Variants in GCC2 observed in about 807,000 individuals in gnomAD.
GCC2 encodes GRIP and coiled-coil domain-containing protein 2.
In GCC2, 120 loss-of-function variants were observed where a neutral mutation model predicts 210.6. That is an observed-to-expected ratio of 0.57 (90% CI 0.49 to 0.66). The LOEUF (loss-of-function observed/expected upper bound fraction) is 0.66, where lower values mean the gene tolerates loss of function less well. GCC2 is among the 30% of genes least tolerant of loss of function. The pLI, the probability that GCC2 is intolerant of heterozygous loss-of-function variation, is 0.00. For missense variants in GCC2, 1,868 were observed against 1,871.9 expected, an observed-to-expected ratio of 1.00 and a Z score of 0.04; for synonymous variants, 703 against 652.7, an observed-to-expected ratio of 1.08 and a Z score of -1.17.
At chr2:108,486,376 C>G (rs775082891) in intron 15 of GCC2, 135 bp from the exon 16 acceptor site, 49 of 807,860 alleles carry the variant, frequency 6.1e-5, no homozygotes, top group Non-Finnish European at 1.0e-4. Flanking sequence ...AATAATAATA[C>G]ATAAAAATAT....
intron 22 of GCC2, among the ~76,000 whole-genome samples, chr2:108,501,583 A>G (rs1226062180): frequency 6.6e-6 from 1 of 152,016 alleles, no homozygotes; most frequent in African/African-American, 2.4e-5. Context: ...GGTGTTCTTT[A>G]ACATGTTCCC....
intron 7 of GCC2, among the ~76,000 whole-genome samples, chr2:108,473,790 A>C (rs906144622): frequency 6.6e-6 from 1 of 152,094 alleles, no homozygotes; most frequent in Non-Finnish European, 1.5e-5. Flanking sequence ...TTAGAATGCT[A>C]TGCAAATCTG....
intron 4 of GCC2, among the ~76,000 whole-genome samples, chr2:108,461,417 ATATC>A (rs1343245816): frequency 6.6e-6 from 1 of 152,108 alleles, no homozygotes; most frequent in Non-Finnish European, 1.5e-5. Context: ...TGGGCCTCCT[ATATC>A]TGGATATCTA....
At chr2:108,486,465 G>C in intron 15 of GCC2, 46 bp from the exon 16 acceptor site, 1 of 1,602,374 alleles carries the variant, frequency 6.2e-7, no homozygotes, top group Non-Finnish European at 8.6e-7. Flanking sequence ...TCTTTAACTA[G>C]TGAAGATAGG....
Position 108,509,230 on chromosome 2 carries a change from T to C in GCC2, c.*1600T>C, listed in dbSNP as rs3889416. 6.3e-4 allele frequency: 97 copies of C among 152,794 alleles called. 1 individual carries two copies. Among genetic ancestry groups the C allele is most frequent in the African/African-American group, 2.3e-3 (97 of 41,584 alleles). The allele number at this position is 152,794 out of a possible 1,614,324, so 9.5% of individuals were successfully genotyped here. On this transcript the variant is annotated 3_prime_UTR_variant, in exon 23 of 23. Coordinates refer to ENST00000309863, the MANE Select transcript of GCC2 (RefSeq NM_181453.4). ...TTGACTTTAGACCTTTTGAAGTCTG[T>C]ATAAACTTGTTTTGAAATATAGTCT... is the stretch of plus-strand genomic sequence containing the variant.
Position 108,507,852 on chromosome 2 carries a change from T to C in GCC2, c.*222T>C, listed in dbSNP as rs73954369. 11,015 of 392,796 alleles carry C rather than the reference T, an allele frequency of 0.028. 340 individuals are homozygous for C. Among genetic ancestry groups the C allele is most frequent in the African/African-American group, 0.11 (4,988 of 46,922 alleles). 24.3% of individuals were successfully genotyped at this position (392,796 alleles called of 1,614,324 possible). On this transcript the variant is annotated 3_prime_UTR_variant, in exon 23 of 23. Coordinates refer to ENST00000309863, the MANE Select transcript of GCC2 (RefSeq NM_181453.4). ...GCCACAGCCCTCTAACTCATGTGAT[T>C]TCCCATGCATGCTGCCAGAATAAAA... is the stretch of plus-strand genomic sequence containing the variant.
chr2:108,458,928 G>A (rs951346864), intron 4 of GCC2, among the ~76,000 whole-genome samples: 5 of 151,970 alleles, frequency 3.3e-5, no homozygotes, highest in African/African-American at 1.2e-4. Context: ...GTTCTGCTTT[G>A]ATCTTTATTA....
chr2:108,477,497 A>T (rs1681603648), intron 9 of GCC2, among the ~76,000 whole-genome samples: 1 of 152,208 alleles, frequency 6.6e-6, no homozygotes, highest in African/African-American at 2.4e-5. Flanking sequence ...GCAGAGCTGA[A>T]ATTTTAATTC....
At chr2:108,490,186 T>C (rs1682343380) in intron 18 of GCC2, 172 bp downstream of exon 18, 6 of 433,266 alleles carry the variant, frequency 1.4e-5, no homozygotes, top group African/African-American at 4.1e-5. Flanking sequence ...TTTACATTGC[T>C]TTTGTATTTT....
chr2:108,453,759 T>C (rs1204453906), intron 4 of GCC2, among the ~76,000 whole-genome samples: 2 of 149,064 alleles, frequency 1.3e-5, no homozygotes, highest in African/African-American at 5.0e-5. Context: ...TACTCCAGCC[T>C]GGGCAACACA....
intron 4 of GCC2, among the ~76,000 whole-genome samples, chr2:108,467,189 T>C (rs1191319002): frequency 6.6e-6 from 1 of 152,218 alleles, no homozygotes; most frequent in Non-Finnish European, 1.5e-5. Context: ...GCGTGGAATC[T>C]GTAGTTTTAT....
chr2:108,488,024 A>C (rs939608211), intron 17 of GCC2, among the ~76,000 whole-genome samples: 1 of 150,184 alleles, frequency 6.7e-6, no homozygotes, highest in Non-Finnish European at 1.5e-5. Flanking sequence ...TCCTGCTTCA[A>C]CCTCCTGAGT....
chr2:108,450,875 CTG>C (rs1364633547), intron 2 of GCC2, among the ~76,000 whole-genome samples, 151 bp from the exon 3 acceptor site: 1 of 151,858 alleles, frequency 6.6e-6, no homozygotes, highest in Non-Finnish European at 1.5e-5. Context: ...GAGCGAGACT[CTG>C]TCTCAAAAAA....
intron 22 of GCC2, among the ~76,000 whole-genome samples, chr2:108,505,315 G>A (rs1027648726): frequency 1.3e-5 from 2 of 152,216 alleles, no homozygotes; most frequent in Non-Finnish European, 2.9e-5. Context: ...CCAGTGCCAA[G>A]TTGTCCATCC....
At chr2:108,460,431 TC>T (rs1283657087) in intron 4 of GCC2, among the ~76,000 whole-genome samples, 2 of 152,192 alleles carry the variant, frequency 1.3e-5, no homozygotes, top group African/African-American at 4.8e-5. Context: ...TATTCTTTGT[TC>T]CTTTCTCTTA....
chr2:108,454,488 GTTTCA>G (rs1432884361), intron 4 of GCC2, among the ~76,000 whole-genome samples: 17 of 152,130 alleles, frequency 1.1e-4, no homozygotes, highest in Non-Finnish European at 1.5e-5. Context: ...ATAATGTACT[GTTTCA>G]TTTAAGTATT....
chr2:108,459,743 G>GTGTTTTTTTT, intron 4 of GCC2, among the ~76,000 whole-genome samples: 1 of 15,498 alleles, frequency 6.5e-5, no homozygotes, highest in South Asian at 2.1e-3. Flanking sequence ...GACCTTCTTT[G>GTGTTTTTTTT]TCTTTTTTTT....
intron 9 of GCC2, among the ~76,000 whole-genome samples, chr2:108,476,054 CTTTTTT>C (rs56236751): frequency 1.0e-5 from 1 of 96,328 alleles, no homozygotes; most frequent in Non-Finnish European, 2.1e-5. Flanking sequence ...TAGTGGCTTG[CTTTTTT>C]TTTTTTTTTT....
Position 108,469,884 on chromosome 2 carries a change from A to G in GCC2, c.555A>G (p.Glu185=), listed in dbSNP as rs150351597. The part of the protein sequence containing the change: ...NSEDNVKKLQ[E]EIEKIRPGFE... ...AAGATAATGTTAAAAAACTACAAGA[A>G]GAGATTGAGAAAATTAGGCCAGGCT... The change falls in exon 6 of 23, where the codon GAA becomes GAG. Residue 185 remains glutamate, a synonymous_variant. Coordinates refer to ENST00000309863, the MANE Select transcript of GCC2 (RefSeq NM_181453.4). The G allele has an allele frequency of 1.5e-5, 24 of 1,613,188 alleles. No homozygotes were observed. The highest frequency in any genetic ancestry group is 1.2e-4 in the African/African-American group (9 of 74,852).
Sources: allele counts gnomAD v4.1 joint callset (sites outside exome capture counted in the v4.1 genomes callset), GRCh38; gene constraint gnomAD v4.1.1; transcripts MANE v1.5; gene names NCBI Gene and HGNC (gene_info 2026-07-23, HGNC 2026-07-21).